NKAIN2: variants seen among roughly 807,000 people sequenced by gnomAD.
NKAIN2 encodes sodium/potassium transporting ATPase interacting 2.
In NKAIN2, 14 loss-of-function variants were observed where a neutral mutation model predicts 32.6. The observed-to-expected ratio is 0.43, with a 90% CI of 0.28 to 0.67. The LOEUF (loss-of-function observed/expected upper bound fraction) is 0.67, where lower values mean the gene tolerates loss of function less well. Among genes scored for constraint, NKAIN2 ranks in the 30% least tolerant of loss-of-function variants. The pLI is 0.17. For synonymous variants in NKAIN2, 80 were observed against 87.2 expected (o/e 0.92, Z 0.46); for missense variants, 198 against 258.3 (o/e 0.77, Z 1.60).
chr6:123,975,631 A>G (rs79224267), intron 1 of NKAIN2, among the ~76,000 whole-genome samples: 4,798 of 152,154 alleles, frequency 0.032, 251 homozygotes, highest in African/African-American at 0.11. Context: ...GATCAAGGCA[A>G]TCGTAGATTG....
At position 124,425,451 on chromosome 6, in the gene NKAIN2, G is replaced by A. The variant is rs533268297; in HGVS notation, c.273+70104G>A. 2.6e-5 allele frequency among the ~76,000 whole-genome samples: 4 copies of A among 151,990 alleles called. No individual in the cohort carries two copies. In the East Asian group the frequency reaches 7.7e-4, roughly 29 times the overall value. ...CAACAAAAACAAAAATAAATAAGTA[G>A]GGCTACACCAAAATGAAGTTTCTAC... is the stretch of plus-strand genomic sequence containing the variant. On this transcript the variant is annotated intron_variant, in intron 3 of 6. Coordinates refer to ENST00000368417, the MANE Select transcript of NKAIN2 (RefSeq NM_001040214.3).
At chr6:124,469,719 G>C (rs570741302) in intron 3 of NKAIN2, among the ~76,000 whole-genome samples, 6 of 152,236 alleles carry the variant, frequency 3.9e-5, no homozygotes, top group Admixed American at 3.9e-4. Flanking sequence ...ATATTGATCA[G>C]TTTCACTGGG....
chr6:124,351,140 G>A (rs996272889), intron 2 of NKAIN2, among the ~76,000 whole-genome samples: 4 of 152,204 alleles, frequency 2.6e-5, no homozygotes, highest in African/African-American at 4.8e-5. Flanking sequence ...AATAGCATTC[G>A]TCTATACATA....
intron 1 of NKAIN2, among the ~76,000 whole-genome samples, chr6:124,230,022 C>T (rs1792366465): frequency 6.6e-6 from 1 of 152,022 alleles, no homozygotes; most frequent in African/African-American, 2.4e-5. Flanking sequence ...CAGAAGAAGA[C>T]AGGAAAATGT....
intron 1 of NKAIN2, among the ~76,000 whole-genome samples, chr6:123,830,046 A>G (rs1774312431): frequency 6.6e-6 from 1 of 152,186 alleles, no homozygotes. Context: ...AATGTTAGGG[A>G]AATGGGACTC....
At chr6:123,821,042 AC>A (rs1181753931) in intron 1 of NKAIN2, among the ~76,000 whole-genome samples, 2 of 152,218 alleles carry the variant, frequency 1.3e-5, no homozygotes, top group Non-Finnish European at 2.9e-5. Context: ...GATGGTTTAC[AC>A]CGAGGACATT....
intron 3 of NKAIN2, among the ~76,000 whole-genome samples, chr6:124,518,290 G>GC: frequency 2.8e-5 from 1 of 35,294 alleles, no homozygotes; most frequent in South Asian, 8.4e-4. Flanking sequence ...GCTGATTCTA[G>GC]TTAAAAAAAA....
intron 1 of NKAIN2, among the ~76,000 whole-genome samples, chr6:123,887,000 A>G (rs1773749235): frequency 6.6e-6 from 1 of 152,164 alleles, no homozygotes; most frequent in African/African-American, 2.4e-5. Flanking sequence ...TATGAAAGTG[A>G]GCCCATATAT....
intron 3 of NKAIN2, among the ~76,000 whole-genome samples, chr6:124,456,875 T>C (rs1041385305): frequency 2.0e-5 from 3 of 151,934 alleles, no homozygotes; most frequent in African/African-American, 7.2e-5. Flanking sequence ...TCTGCTGTAT[T>C]TTCATAATTC....
intron 3 of NKAIN2, among the ~76,000 whole-genome samples, chr6:124,427,052 T>C (rs182366793): frequency 6.6e-6 from 1 of 152,330 alleles, no homozygotes; most frequent in African/African-American, 2.4e-5. Context: ...ACATACACTC[T>C]GGTGAGATTA....
Position 124,484,347 on chromosome 6 carries a change from A to G in NKAIN2, c.273+129000A>G, listed in dbSNP as rs144977385. ...TTTTGAAGATTCATCTATGCAATTTATGCTTCTTTGTTTCTACGCCAAGTT... is the reference window on the plus strand; with the variant it reads ...TTTTGAAGATTCATCTATGCAATTTGTGCTTCTTTGTTTCTACGCCAAGTT... On this transcript the variant is annotated intron_variant, in intron 3 of 6. Coordinates refer to ENST00000368417, the MANE Select transcript of NKAIN2 (RefSeq NM_001040214.3). Among the ~76,000 whole-genome samples the G allele has an allele frequency of 4.4e-3, 668 of 152,266 alleles. 6 individuals are homozygous for G. Among genetic ancestry groups the G allele is most frequent in the African/African-American group, 0.015 (630 of 41,560 alleles).
intron 3 of NKAIN2, among the ~76,000 whole-genome samples, chr6:124,534,572 CAGAT>C (rs1266839149): frequency 6.6e-6 from 1 of 152,222 alleles, no homozygotes; most frequent in Non-Finnish European, 1.5e-5. Context: ...TTGAGTATGA[CAGAT>C]AGTCGGTTCG....
intron 1 of NKAIN2, among the ~76,000 whole-genome samples, chr6:124,111,018 T>G (rs1414889083): frequency 2.0e-5 from 3 of 152,148 alleles, no homozygotes; most frequent in Non-Finnish European, 4.4e-5. Flanking sequence ...TTACTGATTC[T>G]ATTTCTTTAT....
chr6:123,928,773 G>C (rs1161965406), intron 1 of NKAIN2, among the ~76,000 whole-genome samples: 1 of 152,156 alleles, frequency 6.6e-6, no homozygotes, highest in Non-Finnish European at 1.5e-5. Flanking sequence ...AGACATAAAT[G>C]CATCAGCATG....
intron 4 of NKAIN2, among the ~76,000 whole-genome samples, chr6:124,707,720 C>T (rs1309277155): frequency 1.3e-5 from 2 of 151,558 alleles, no homozygotes; most frequent in South Asian, 2.1e-4. Context: ...TGTTTGAGTC[C>T]ATTGTAGATT....
intron 1 of NKAIN2, among the ~76,000 whole-genome samples, chr6:123,837,623 T>G (rs1171787967): frequency 6.6e-6 from 1 of 152,152 alleles, no homozygotes; most frequent in African/African-American, 2.4e-5. Context: ...GTGATTGTGT[T>G]AACAAAAATT....
intron 3 of NKAIN2, among the ~76,000 whole-genome samples, chr6:124,461,483 T>G (rs903625357): frequency 2.6e-5 from 4 of 151,736 alleles, no homozygotes; most frequent in African/African-American, 7.2e-5. Context: ...TTTTATCTCC[T>G]TCTTAATTAC....
At chr6:124,695,564 G>A (rs1774458869) in intron 4 of NKAIN2, among the ~76,000 whole-genome samples, 1 of 152,220 alleles carries the variant, frequency 6.6e-6, no homozygotes, top group African/African-American at 2.4e-5. Flanking sequence ...AGTAGCCTGA[G>A]TAACCAAATT....
chr6:124,544,654 G>C (rs956276779), intron 3 of NKAIN2, among the ~76,000 whole-genome samples: 1 of 151,592 alleles, frequency 6.6e-6, no homozygotes, highest in South Asian at 2.1e-4. Context: ...CATTTGAAGT[G>C]ACACTGGGAG....
Sources: allele counts gnomAD v4.1 joint callset (sites outside exome capture counted in the v4.1 genomes callset), GRCh38; gene constraint gnomAD v4.1.1; transcripts MANE v1.5; gene names NCBI Gene and HGNC (gene_info 2026-07-23, HGNC 2026-07-21).